The following NCOR1 variants were observed in gnomAD, a reference collection of about 807,000 sequenced individuals.
NCOR1 encodes nuclear receptor corepressor 1, also known as protein phosphatase 1, regulatory subunit 109.
A neutral mutation model predicts 288.1 loss-of-function variants in NCOR1; 63 were observed. The ratio of observed to expected loss-of-function variants is 0.22; its 90% CI spans 0.18 to 0.27. The LOEUF is 0.27. NCOR1 is among the 10% of genes least tolerant of loss of function. The probability of loss-of-function intolerance (pLI) is 1.00; values close to 1 mark genes in which losing one functional copy is unlikely to be tolerated. For missense variants in NCOR1, 2,397 were observed against 3,019.2 expected (o/e 0.79, Z 4.83); for synonymous variants, 1,007 against 1,065.9 (o/e 0.94, Z 1.08).
At chr17:16,064,235 G>C in intron 34 of NCOR1, 48 bp from the exon 35 acceptor site, 1 of 1,572,622 alleles carries the variant, frequency 6.4e-7, no homozygotes, top group Non-Finnish European at 8.6e-7. Context: ...TCAACTGACT[G>C]AGTATATCAA....
intron 14 of NCOR1, among the ~76,000 whole-genome samples, chr17:16,127,546 T>C (rs974328631): frequency 8.5e-5 from 12 of 141,562 alleles, no homozygotes; most frequent in Admixed American, 7.6e-4. Context: ...TGCATGTATA[T>C]ATACACATGT....
intron 4 of NCOR1, 68 bp downstream of exon 4, chr17:16,171,735 A>G (rs2083177435): frequency 7.6e-7 from 1 of 1,319,962 alleles, no homozygotes; most frequent in East Asian, 2.7e-5. Context: ...TTGAGGTGCT[A>G]TGCATGAGTA....
intron 1 of NCOR1, among the ~76,000 whole-genome samples, chr17:16,213,412 G>C (rs1232356789): frequency 6.8e-6 from 1 of 147,890 alleles, no homozygotes; most frequent in African/African-American, 2.5e-5. Flanking sequence ...AGAATTGCTT[G>C]AACCCGGAGG....
chr17:16,109,471 G>C (rs1307557220), intron 18 of NCOR1, among the ~76,000 whole-genome samples: 1 of 151,882 alleles, frequency 6.6e-6, no homozygotes, highest in Non-Finnish European at 1.5e-5. Flanking sequence ...ACATAATGTA[G>C]CCATGAGCAG....
intron 1 of NCOR1, among the ~76,000 whole-genome samples, 180 bp from the exon 2 acceptor site, chr17:16,194,819 A>C (rs182072577): frequency 1.3e-5 from 2 of 152,344 alleles, no homozygotes; most frequent in East Asian, 3.9e-4. Flanking sequence ...TTCTTTTTAT[A>C]CTTAAAATAG....
At chr17:16,172,541 A>G (rs1187393896) in intron 3 of NCOR1, among the ~76,000 whole-genome samples, 1 of 152,218 alleles carries the variant, frequency 6.6e-6, no homozygotes, top group African/African-American at 2.4e-5. Context: ...TTTTCAACCA[A>G]TAATAAAAAC....
Position 16,153,345 on chromosome 17 carries a change from A to T in NCOR1, c.783T>A (p.Val261=). The T allele has an allele frequency of 6.3e-7, 1 of 1,590,114 alleles. No homozygotes were observed. The highest frequency in any genetic ancestry group is 8.6e-7 in the Non-Finnish European group (1 of 1,168,978). ...HKIFEGLGPK[V]ELPLYNQPSD... is the part of the protein sequence containing the mutation. ...AATGAAAAAATTTACTTACCAGTTC[A>T]ACTTTTGGGCCAAGACCTTCAAAAA... The change falls in exon 7 of 46, where the codon GTT becomes GTA. Residue 261 remains valine, a synonymous_variant. Transcript: ENST00000268712.
intron 32 of NCOR1, 73 bp downstream of exon 32, chr17:16,067,821 A>C: frequency 7.2e-7 from 1 of 1,390,734 alleles, no homozygotes; most frequent in South Asian, 1.4e-5. Context: ...ATATTGTACA[A>C]CAACAGAAAG....
At chr17:16,040,817 C>T (rs997043716) in intron 42 of NCOR1, 11 of 308,196 alleles carry the variant, frequency 3.6e-5, no homozygotes, top group Non-Finnish European at 6.2e-5. Context: ...ACTGCTTGAG[C>T]ATAGGAATTT....
chr17:16,182,841 C>T (rs913468620), intron 3 of NCOR1, among the ~76,000 whole-genome samples: 10 of 151,642 alleles, frequency 6.6e-5, no homozygotes, highest in Non-Finnish European at 1.5e-4. Flanking sequence ...AAAATTTTTA[C>T]TGGAGAAGAA....
chr17:16,188,009 A>G (rs944219552), intron 2 of NCOR1, among the ~76,000 whole-genome samples: 2 of 152,094 alleles, frequency 1.3e-5, no homozygotes, highest in Non-Finnish European at 2.9e-5. Context: ...TGAAACTGCT[A>G]TTAGTTATGG....
At chr17:16,140,443 T>C (rs1442814434) in intron 11 of NCOR1, among the ~76,000 whole-genome samples, 1 of 151,994 alleles carries the variant, frequency 6.6e-6, no homozygotes, top group Non-Finnish European at 1.5e-5. Flanking sequence ...GCAGAAGGAC[T>C]GCTTGAGCCC....
At chr17:16,108,244 C>CT (rs759608354) in intron 19 of NCOR1, 1 of 324,568 alleles carries the variant, frequency 3.1e-6, no homozygotes, top group South Asian at 2.8e-5. Context: ...AATTAGGTAT[C>CT]TTTTTTCTTA....
intron 18 of NCOR1, among the ~76,000 whole-genome samples, chr17:16,115,243 T>A (rs1017089701): frequency 5.3e-5 from 8 of 152,268 alleles, no homozygotes; most frequent in Non-Finnish European, 1.2e-4. Flanking sequence ...AAGGGGGTCC[T>A]GGGTCCAGGG....
At chr17:16,207,093 T>C (rs1319737298) in intron 1 of NCOR1, among the ~76,000 whole-genome samples, 1 of 152,212 alleles carries the variant, frequency 6.6e-6, no homozygotes, top group Admixed American at 6.5e-5. Context: ...TTATAACTCC[T>C]AGATAGCACA....
chr17:16,207,739 C>CAAAAAAAAAAA (rs200123318), intron 1 of NCOR1, among the ~76,000 whole-genome samples: 2 of 61,030 alleles, frequency 3.3e-5, no homozygotes, highest in African/African-American at 5.9e-5. Context: ...ACTCCATCTC[C>CAAAAAAAAAAA]AAAAAAAAAA....
At position 16,086,248 on chromosome 17, in the gene NCOR1, A is replaced by G. The variant is rs761252887; in HGVS notation, c.3177+34T>C. 8.8e-6 allele frequency: 14 copies of G among 1,595,760 alleles called. No homozygotes were observed. In the Admixed American group the frequency reaches 2.4e-4, roughly 27 times the overall value. On this transcript the variant is annotated intron_variant, in intron 23 of 45. Transcript: ENST00000268712. The stretch of plus-strand genomic sequence containing the variant: ...ACAAGTTTTAACAAAGCCATATTCA[A>G]CAAGAAATCTACTGTAAAGAGAAGT...
intron 35 of NCOR1, among the ~76,000 whole-genome samples, chr17:16,062,794 C>G (rs1201602199): frequency 6.6e-6 from 1 of 152,234 alleles, no homozygotes; most frequent in East Asian, 1.9e-4. Flanking sequence ...TCAGCAAGCT[C>G]TCTCTTTTGA....
intron 5 of NCOR1, among the ~76,000 whole-genome samples, chr17:16,164,610 A>C (rs2081618397): frequency 6.6e-6 from 1 of 152,194 alleles, no homozygotes; most frequent in Non-Finnish European, 1.5e-5. Flanking sequence ...CTTCTTAGCA[A>C]ATTTAGTATC....
Sources: gnomAD v4.1 joint callset for allele counts (sites outside exome capture counted in the v4.1 genomes callset) on GRCh38, gnomAD v4.1.1 for gene constraint, MANE v1.5 for transcripts, NCBI Gene and HGNC (gene_info 2026-07-23, HGNC 2026-07-21) for gene names.